NTM: variants seen among roughly 807,000 people sequenced by gnomAD.
NTM encodes the protein neurotrimin.
In NTM, 13 loss-of-function variants were observed where a neutral mutation model predicts 42.1. That is an observed-to-expected ratio of 0.31 (90% CI 0.20 to 0.49). The LOEUF (loss-of-function observed/expected upper bound fraction) is 0.49. NTM is among the 20% of genes least tolerant of loss of function. NTM has a pLI of 0.99. For missense variants in NTM, 373 were observed against 452.8 expected, an observed-to-expected ratio of 0.82 and a Z score of 1.60; for synonymous variants, 187 against 179.2, an observed-to-expected ratio of 1.04 and a Z score of -0.35.
intron 2 of NTM, among the ~76,000 whole-genome samples, chr11:132,018,147 C>T (rs1458176399): frequency 1.3e-5 from 2 of 151,758 alleles, no homozygotes; most frequent in Non-Finnish European, 3.0e-5. Context: ...TTTCCTCCCT[C>T]TCTCGTTTCC....
At chr11:131,722,772 C>T (rs962365098) in intron 1 of NTM, among the ~76,000 whole-genome samples, 3 of 152,180 alleles carry the variant, frequency 2.0e-5, no homozygotes, top group Non-Finnish European at 4.4e-5. Flanking sequence ...CCAGCTCTTC[C>T]TTATCTATTG....
chr11:131,731,135 T>C (rs554597956), intron 1 of NTM, among the ~76,000 whole-genome samples: 1 of 152,290 alleles, frequency 6.6e-6, no homozygotes, highest in African/African-American at 2.4e-5. Flanking sequence ...TTCTAACATT[T>C]TGTGTGGCGC....
intron 1 of NTM, among the ~76,000 whole-genome samples, chr11:131,373,589 C>A (rs553912761): frequency 6.6e-6 from 1 of 151,986 alleles, no homozygotes; most frequent in East Asian, 1.9e-4. Context: ...TAAGTGGAGG[C>A]ATCTCGTTGC....
chr11:132,183,633 C>T (rs2077931092), intron 3 of NTM, among the ~76,000 whole-genome samples: 5 of 151,874 alleles, frequency 3.3e-5, no homozygotes, highest in Admixed American at 3.3e-4. Flanking sequence ...TGAAAAATCT[C>T]CATGTTCTTT....
At chr11:131,822,059 G>A (rs533319649) in intron 1 of NTM, among the ~76,000 whole-genome samples, 2 of 152,290 alleles carry the variant, frequency 1.3e-5, no homozygotes, top group South Asian at 4.2e-4. Flanking sequence ...GCTCCCTTTA[G>A]GGGTACAAGA....
At position 131,546,374 on chromosome 11, in the gene NTM, C is replaced by T. The variant is rs187705502; in HGVS notation, c.82+175486C>T. Reference sequence around the variant, plus strand: ...GGTTCCCACGGCCCCGTTAGCCATTCCACTCTATCCCTGGCCACTGTCCTG... The same window carrying T: ...GGTTCCCACGGCCCCGTTAGCCATTTCACTCTATCCCTGGCCACTGTCCTG... On this transcript the variant is annotated intron_variant, in intron 1 of 8. Coordinates refer to ENST00000683400, the MANE Select transcript of NTM (RefSeq NM_001352005.2). 1.5e-3 allele frequency among the ~76,000 whole-genome samples: 236 copies of T among 152,306 alleles called. 2 individuals carry two copies. The highest frequency in any genetic ancestry group is 0.014 in the Admixed American group (215 of 15,292).
chr11:132,098,394 G>A (rs1298542231), intron 2 of NTM, among the ~76,000 whole-genome samples: 5 of 152,120 alleles, frequency 3.3e-5, no homozygotes, highest in African/African-American at 7.2e-5. Context: ...TTGGCGTTGC[G>A]GCCATCTCCA....
chr11:131,962,249 G>C (rs2062274466), intron 2 of NTM, among the ~76,000 whole-genome samples: 1 of 152,172 alleles, frequency 6.6e-6, no homozygotes, highest in Non-Finnish European at 1.5e-5. Flanking sequence ...GGGTAGGAAG[G>C]ATCAAGGGGT....
chr11:131,608,614 T>C (rs1310617535), intron 1 of NTM, among the ~76,000 whole-genome samples: 2 of 152,250 alleles, frequency 1.3e-5, no homozygotes. Flanking sequence ...CCCTCGATTC[T>C]AGGCCTTGCT....
At chr11:131,969,813 A>AT (rs1363941237) in intron 2 of NTM, among the ~76,000 whole-genome samples, 3 of 152,072 alleles carry the variant, frequency 2.0e-5, no homozygotes, top group African/African-American at 7.2e-5. Context: ...AGCGATGATA[A>AT]ATTTTTTTAT....
chr11:132,138,870 A>G (rs2068519819), intron 2 of NTM, among the ~76,000 whole-genome samples: 2 of 152,166 alleles, frequency 1.3e-5, no homozygotes. Flanking sequence ...CATCTCTTCT[A>G]GAAACACCTC....
At chr11:131,778,455 CCATT>C (rs2087459983) in intron 1 of NTM, among the ~76,000 whole-genome samples, 2 of 152,170 alleles carry the variant, frequency 1.3e-5, no homozygotes, top group South Asian at 4.1e-4. Context: ...ACATACTTAA[CCATT>C]CAAAGCCTGA....
intron 1 of NTM, among the ~76,000 whole-genome samples, chr11:131,803,595 C>T (rs186767560): frequency 6.6e-6 from 1 of 152,304 alleles, no homozygotes; most frequent in Admixed American, 6.5e-5. Flanking sequence ...CAGGTGTAAG[C>T]CACTGCGCCC....
chr11:131,815,422 G>C (rs3802793), intron 1 of NTM, among the ~76,000 whole-genome samples: 1 of 151,928 alleles, frequency 6.6e-6, no homozygotes, highest in Non-Finnish European at 1.5e-5. Context: ...TGGGCTGTGC[G>C]CAAAGAGCAG....
chr11:131,996,209 G>A (rs2135196389), intron 2 of NTM, among the ~76,000 whole-genome samples: 1 of 152,200 alleles, frequency 6.6e-6, no homozygotes, highest in Admixed American at 6.5e-5. Context: ...TTTAAGTACA[G>A]GATGCTAAGG....
At chr11:131,606,068 G>A (rs972150439) in intron 1 of NTM, 3 of 179,956 alleles carry the variant, frequency 1.7e-5, no homozygotes, top group Non-Finnish European at 3.2e-5. Flanking sequence ...TTTTGAGATA[G>A]GGTCTGTCTC....
chr11:131,812,973 C>T (rs1020375860), intron 1 of NTM, among the ~76,000 whole-genome samples: 3 of 152,162 alleles, frequency 2.0e-5, no homozygotes, highest in African/African-American at 7.2e-5. Context: ...ACTATTGCAC[C>T]GTAAGGCATC....
At chr11:131,758,539 C>CTCTT (rs561710087) in intron 1 of NTM, among the ~76,000 whole-genome samples, 1 of 151,942 alleles carries the variant, frequency 6.6e-6, no homozygotes, top group African/African-American at 2.4e-5. Context: ...TTTCTTTTCT[C>CTCTT]TCTTTCTTTC....
At chr11:131,798,793 A>C (rs1399444068) in intron 1 of NTM, among the ~76,000 whole-genome samples, 1 of 152,186 alleles carries the variant, frequency 6.6e-6, no homozygotes, top group African/African-American at 2.4e-5. Context: ...CCTTCCCTGT[A>C]GATGGATAAT....
Sources: gnomAD v4.1 joint callset for allele counts (sites outside exome capture counted in the v4.1 genomes callset) on GRCh38, gnomAD v4.1.1 for gene constraint, MANE v1.5 for transcripts, NCBI Gene and HGNC (gene_info 2026-07-23, HGNC 2026-07-21) for gene names.